The following LIPA variants were observed in gnomAD, a reference collection of about 807,000 sequenced individuals.
The protein encoded by LIPA is lipase A, lysosomal acid type.
Under a neutral mutation model 40.6 loss-of-function variants are expected in LIPA, and 26 were observed. The ratio of observed to expected loss-of-function variants is 0.64; its 90% CI spans 0.47 to 0.89. The LOEUF (loss-of-function observed/expected upper bound fraction) is 0.89, where lower values mean the gene tolerates loss of function less well. Ranked by LOEUF, LIPA falls within the 40% of genes least tolerant of loss-of-function variation. The pLI is 0.00. For missense variants in LIPA, 455 were observed against 479.6 expected (o/e 0.95, Z 0.48); for synonymous variants, 188 against 168.4 (o/e 1.12, Z -0.90).
At chr10:89,310,570 C>T (rs1843510111) in intron 1 of LIPA, among the ~76,000 whole-genome samples, 1 of 152,056 alleles carries the variant, frequency 6.6e-6, no homozygotes, top group Admixed American at 6.6e-5. Flanking sequence ...GTGCAGCTAC[C>T]TCATTGCTGA....
chr10:89,234,309 C>G (rs1023326748), intron 3 of LIPA, among the ~76,000 whole-genome samples: 7 of 152,162 alleles, frequency 4.6e-5, no homozygotes, highest in Non-Finnish European at 1.0e-4. Flanking sequence ...CCTGGGGACA[C>G]AGGGAATAGG....
intron 1 of LIPA, among the ~76,000 whole-genome samples, chr10:89,248,933 T>C (rs766166291): frequency 6.6e-6 from 1 of 152,204 alleles, no homozygotes; most frequent in Non-Finnish European, 1.5e-5. Context: ...TAGAAGAGGA[T>C]AGTTTGAGAA....
At chr10:89,401,950 A>G (rs2133628589) in intron 2 of LIPA, among the ~76,000 whole-genome samples, 1 of 152,338 alleles carries the variant, frequency 6.6e-6, no homozygotes, top group Admixed American at 6.5e-5. Flanking sequence ...AAACTCTTAT[A>G]TAGCATATAA....
chr10:89,372,799 T>C (rs190227449), intron 2 of LIPA, among the ~76,000 whole-genome samples: 26 of 152,360 alleles, frequency 1.7e-4, no homozygotes, highest in South Asian at 4.1e-4. Context: ...AGAAAACATC[T>C]TCACCTCTTC....
intron 2 of LIPA, among the ~76,000 whole-genome samples, chr10:89,361,682 T>C (rs17120040): frequency 0.02 from 3,025 of 152,242 alleles, 117 homozygotes; most frequent in African/African-American, 0.069. Flanking sequence ...ATGCATTTGC[T>C]GATATCATGA....
chr10:89,377,889 C>T (rs992133476), intron 2 of LIPA, among the ~76,000 whole-genome samples: 5 of 152,224 alleles, frequency 3.3e-5, no homozygotes, highest in Non-Finnish European at 7.3e-5. Flanking sequence ...TTCTCACACA[C>T]CCATCCTCTT....
At chr10:89,300,180 T>A (rs933892099) in intron 1 of LIPA, among the ~76,000 whole-genome samples, 2 of 152,186 alleles carry the variant, frequency 1.3e-5, no homozygotes, top group African/African-American at 4.8e-5. Flanking sequence ...GAATGACAAA[T>A]ACTGCATGTT....
intron 2 of LIPA, among the ~76,000 whole-genome samples, chr10:89,386,187 ATG>A: frequency 6.6e-6 from 1 of 152,252 alleles, no homozygotes; most frequent in South Asian, 2.1e-4. Context: ...CCATAAGTGC[ATG>A]CCACCATGTA....
chr10:89,283,746 G>C (rs1843327356), intron 1 of LIPA: 1 of 152,174 alleles, frequency 6.6e-6, no homozygotes, highest in Admixed American at 6.5e-5. Context: ...ATATTTGCAA[G>C]TACACATAAA....
At chr10:89,294,573 C>T (rs894550668) in intron 1 of LIPA, among the ~76,000 whole-genome samples, 1 of 152,176 alleles carries the variant, frequency 6.6e-6, no homozygotes, top group Non-Finnish European at 1.5e-5. Flanking sequence ...TCCCACCTCC[C>T]AACACTGCCA....
At chr10:89,407,748 G>A (rs1271627978) in intron 2 of LIPA, among the ~76,000 whole-genome samples, 1 of 152,152 alleles carries the variant, frequency 6.6e-6, no homozygotes, top group Admixed American at 6.5e-5. Flanking sequence ...AGGTTTTAGA[G>A]AATGCGTCGG....
At chr10:89,235,735 G>A (rs1485191393) in intron 3 of LIPA, among the ~76,000 whole-genome samples, 3 of 152,154 alleles carry the variant, frequency 2.0e-5, no homozygotes, top group Non-Finnish European at 4.4e-5. Flanking sequence ...ACAAGGAGGT[G>A]GTCAGACACC....
At chr10:89,240,844 G>A (rs7074555) in intron 3 of LIPA, among the ~76,000 whole-genome samples, 13,884 of 152,096 alleles carry the variant, frequency 0.091, 638 homozygotes, top group South Asian at 0.15. Context: ...CTATTAAATC[G>A]CAATGTCACA....
At chr10:89,355,939 T>A (rs1199822364) in intron 2 of LIPA, among the ~76,000 whole-genome samples, 2 of 152,236 alleles carry the variant, frequency 1.3e-5, no homozygotes, top group African/African-American at 2.4e-5. Flanking sequence ...AGAATACTCA[T>A]GAATAATCCA....
intron 2 of LIPA, among the ~76,000 whole-genome samples, chr10:89,349,126 GA>G (rs1843942876): frequency 6.6e-6 from 1 of 152,088 alleles, no homozygotes; most frequent in Non-Finnish European, 1.5e-5. Flanking sequence ...CCTCCAAAAG[GA>G]ACTCAGATGT....
At chr10:89,226,800 T>C in intron 5 of LIPA, 95 bp downstream of exon 5, 1 of 758,608 alleles carries the variant, frequency 1.3e-6, no homozygotes, top group South Asian at 1.5e-5. Context: ...TAAATGGAAT[T>C]TGAACTAACA....
At chr10:89,310,138 TG>T (rs1280761788) in intron 1 of LIPA, among the ~76,000 whole-genome samples, 2 of 152,222 alleles carry the variant, frequency 1.3e-5, no homozygotes, top group Non-Finnish European at 2.9e-5. Context: ...TTAGTGCCAG[TG>T]AAAGAGTGAG....
At chr10:89,238,236 T>C (rs116883820) in intron 3 of LIPA, among the ~76,000 whole-genome samples, 497 of 152,252 alleles carry the variant, frequency 3.3e-3, no homozygotes, top group Non-Finnish European at 4.6e-3. Context: ...CAAGAGCTAA[T>C]AGACACACCA....
intron 1 of LIPA, among the ~76,000 whole-genome samples, chr10:89,326,869 T>C (rs1843604877): frequency 6.6e-6 from 1 of 152,204 alleles, no homozygotes; most frequent in Non-Finnish European, 1.5e-5. Context: ...ATGAATGACC[T>C]ATGGCCTGTG....
Sources: allele counts gnomAD v4.1 joint callset (sites outside exome capture counted in the v4.1 genomes callset), GRCh38; gene constraint gnomAD v4.1.1; transcripts MANE v1.5; gene names NCBI Gene and HGNC (gene_info 2026-07-23, HGNC 2026-07-21).